Variants in DPYSL2 observed in about 807,000 individuals in gnomAD.
The protein encoded by DPYSL2 is dihydropyrimidinase-related protein 2.
A neutral mutation model predicts 69.9 loss-of-function variants in DPYSL2; 13 were observed. That is an observed-to-expected ratio of 0.19 (90% CI 0.12 to 0.30). DPYSL2 has a LOEUF of 0.30. Among genes scored for constraint, DPYSL2 ranks in the 10% least tolerant of loss-of-function variants. DPYSL2 has a pLI of 1.00. For missense variants in DPYSL2, 587 were observed against 918.9 expected, an observed-to-expected ratio of 0.64 and a Z score of 4.67; for synonymous variants, 326 against 359.1, an observed-to-expected ratio of 0.91 and a Z score of 1.04.
At position 26,597,618 on chromosome 8, in the gene DPYSL2, G is replaced by A. The variant is rs1801891509; in HGVS notation, c.628+13635G>A. Among the ~76,000 whole-genome samples, 1 of 152,016 alleles carries A rather than the reference G, an allele frequency of 6.6e-6. No individual in the cohort carries two copies. Among genetic ancestry groups the A allele is most frequent in the Admixed American group, 6.6e-5 (1 of 15,254 alleles). On this transcript the variant is annotated intron_variant, in intron 3 of 13. Transcript: ENST00000521913. This position sits in a 1 kb window ranked among gnomAD's most constrained non-coding sequence, Gnocchi z 5.2. Reference sequence around the variant, plus strand: ...GCCTCCCAAGTAGCTGGGACTACAGGCGCCCGCCACCACGCCCAACTAATA... The same window carrying A: ...GCCTCCCAAGTAGCTGGGACTACAGACGCCCGCCACCACGCCCAACTAATA...
rs1015366695 is a variant in DPYSL2 at position 26,547,101 on chromosome 8, G to A, written c.354+32422G>A. On this transcript the variant is annotated intron_variant, in intron 1 of 13. Transcript: ENST00000521913. ...CTAGAGGCCAGGAGCGGTGGCTCAT[G>A]CCTGTAATGCCAGCACTTTGGGAGG... 7.2e-5 allele frequency among the ~76,000 whole-genome samples: 11 copies of A among 152,130 alleles called. No individual in the cohort carries two copies. In the South Asian group the frequency reaches 2.3e-3, roughly 32 times the overall value.
Position 26,626,655 on chromosome 8 carries a change from C to A in DPYSL2, c.832C>A (p.Arg278Ser). The part of the protein sequence containing the change: ...SFLVYMAFKD[R>S]FQLTDCQIYE... The stretch of plus-strand genomic sequence containing the variant: ...CCTCGTGTACATGGCTTTCAAAGAT[C>A]GCTTCCAGCTAACGGATTGCCAGGT... Residue 278 changes from arginine to serine, a missense_variant, in exon 5 of 14, where the codon CGC becomes AGC. Coordinates refer to ENST00000521913, the MANE Select transcript of DPYSL2 (RefSeq NM_001197293.3). This position sits in a 1 kb window ranked among gnomAD's most constrained non-coding sequence, Gnocchi z 4.3. 1 of 1,614,182 alleles carries A rather than the reference C, an allele frequency of 6.2e-7. No individual in the cohort carries two copies. The highest frequency in any genetic ancestry group is 8.5e-7 in the Non-Finnish European group (1 of 1,180,042).
rs187162382 is a variant in DPYSL2 at position 26,654,539 on chromosome 8, C to T, written c.1943-1076C>T. On this transcript the variant is annotated intron_variant, in intron 13 of 13. Coordinates refer to ENST00000521913, the MANE Select transcript of DPYSL2 (RefSeq NM_001197293.3). This position sits in a 1 kb window ranked among gnomAD's most constrained non-coding sequence, Gnocchi z 5.0. ...GAACTTTACTTTGTTGTAAGTAAAACGTGTATAATCATGTCTGTGTTTTCT... is the reference window on the plus strand; with the variant it reads ...GAACTTTACTTTGTTGTAAGTAAAATGTGTATAATCATGTCTGTGTTTTCT... 2.6e-5 allele frequency among the ~76,000 whole-genome samples: 4 copies of T among 152,088 alleles called. No homozygotes were observed. Among genetic ancestry groups the T allele is most frequent in the East Asian group, 1.9e-4 (1 of 5,168 alleles).
At chr8:26,522,706 A>G (rs1808408453) in intron 1 of DPYSL2, among the ~76,000 whole-genome samples, 1 of 152,052 alleles carries the variant, frequency 6.6e-6, no homozygotes, top group African/African-American at 2.4e-5. Flanking sequence ...TATTTATCAT[A>G]TTGTTAAATT....
In DPYSL2 at chr8:26,640,783, C is replaced by T. The variant is rs1487408725; in HGVS notation, c.1127-2656C>T. ...GAACCACAGGATGGCTCCATCCCTC[C>T]CCTGGCATCCACTGCCCCTGCCCCT... On this transcript the variant is annotated intron_variant, in intron 8 of 13. Coordinates refer to ENST00000521913, the MANE Select transcript of DPYSL2 (RefSeq NM_001197293.3). The surrounding 1 kb of genome is among the most constrained non-coding windows in gnomAD (Gnocchi z 4.2). 6.6e-6 allele frequency among the ~76,000 whole-genome samples: 1 copy of T among 152,196 alleles called. No individual in the cohort carries two copies. The highest frequency in any genetic ancestry group is 1.5e-5 in the Non-Finnish European group (1 of 68,026).
intron 3 of DPYSL2, among the ~76,000 whole-genome samples, chr8:26,607,482 C>CA (rs543475606): frequency 0.12 from 12,362 of 105,750 alleles, 606 homozygotes; most frequent in Middle Eastern, 0.22. Context: ...GACTCTGTCT[C>CA]AAAAAAAAAA....
rs1190620634 is a variant in DPYSL2 at position 26,518,958 on chromosome 8, C to G, written c.354+4279C>G. On this transcript the variant is annotated intron_variant, in intron 1 of 13. Transcript: ENST00000521913. ...CCCAGGTCTGGGGCCTATAACCTAA[C>G]TAGAAGAAAACTCCTACCAGCTAAC... is the stretch of plus-strand genomic sequence containing the variant. 2.0e-5 allele frequency among the ~76,000 whole-genome samples: 3 copies of G among 152,212 alleles called. No homozygotes were observed. In the East Asian group the frequency reaches 5.8e-4, roughly 29 times the overall value.
rs1450621188 is a variant in DPYSL2, at chr8:26,585,838, A to G, written c.628+1855A>G. On this transcript the variant is annotated intron_variant, in intron 3 of 13. Coordinates refer to ENST00000521913, the MANE Select transcript of DPYSL2 (RefSeq NM_001197293.3). The surrounding 1 kb of genome is among the most constrained non-coding windows in gnomAD (Gnocchi z 4.0). The stretch of plus-strand genomic sequence containing the variant: ...AAAAACAATATTTCTCTGGCTGGGC[A>G]CCATGGTTCATGCCTGTAATTCCAG... Among the ~76,000 whole-genome samples, 3 of 152,216 alleles carry G rather than the reference A, an allele frequency of 2.0e-5. No homozygotes were observed. Among genetic ancestry groups the G allele is most frequent in the Non-Finnish European group, 4.4e-5 (3 of 68,038 alleles).
intron 3 of DPYSL2, among the ~76,000 whole-genome samples, chr8:26,594,727 T>C (rs1187451052): frequency 3.9e-5 from 6 of 152,240 alleles, no homozygotes; most frequent in Admixed American, 3.9e-4. Flanking sequence ...ATCTTTCATA[T>C]ACCAAAGATG....
In DPYSL2 at chr8:26,652,352, G is replaced by A; in HGVS notation, c.1692G>A (p.Leu564=). The change falls in exon 12 of 14, where the codon CTG becomes CTA. Residue 564 remains leucine, a synonymous_variant. Coordinates refer to ENST00000521913, the MANE Select transcript of DPYSL2 (RefSeq NM_001197293.3). The surrounding 1 kb of genome is among the most constrained non-coding windows in gnomAD (Gnocchi z 6.3). ...AGATTGTCCTGGAGGACGGCACCCT[G>A]CATGTCACCGAAGGCTCTGGACGCT... ...QGKIVLEDGT[L]HVTEGSGRYI... 1 of 1,614,236 alleles carries A rather than the reference G, an allele frequency of 6.2e-7. No homozygotes were observed. Among genetic ancestry groups the A allele is most frequent in the Non-Finnish European group, 8.5e-7 (1 of 1,180,036 alleles).
Position 26,620,381 on chromosome 8 carries a change from T to A in DPYSL2, c.629-3762T>A, listed in dbSNP as rs536511994. Among the ~76,000 whole-genome samples the A allele has an allele frequency of 6.6e-6, 1 of 152,190 alleles. No individual in the cohort carries two copies. On this transcript the variant is annotated intron_variant, in intron 3 of 13. Transcript: ENST00000521913. The surrounding 1 kb of genome is among the most constrained non-coding windows in gnomAD (Gnocchi z 4.5). ...AAGTGATTCTCCTGCCTCAGCCTCC[T>A]GAGTAGCTGGGATTACAGGCACCTG...
In DPYSL2 at chr8:26,562,141, T is replaced by C. The variant is rs979680902; in HGVS notation, c.355-19828T>C. 6.6e-6 allele frequency among the ~76,000 whole-genome samples: 1 copy of C among 151,964 alleles called. No homozygotes were observed. Among genetic ancestry groups the C allele is most frequent in the Non-Finnish European group, 1.5e-5 (1 of 67,994 alleles). On this transcript the variant is annotated intron_variant, in intron 1 of 13. Transcript: ENST00000521913. The surrounding 1 kb of genome is among the most constrained non-coding windows in gnomAD (Gnocchi z 4.9). The stretch of plus-strand genomic sequence containing the variant: ...CTTTTATTGGCAGCAGAAACAAGAG[T>C]GGATAAGAGGAAGGACACACACTGG...
chr8:26,581,796 G>T (rs549350635), intron 1 of DPYSL2, among the ~76,000 whole-genome samples, 173 bp from the exon 2 acceptor site: 8 of 152,220 alleles, frequency 5.3e-5, no homozygotes, highest in African/African-American at 1.9e-4. Flanking sequence ...GACTCATCAG[G>T]TGATGAATAG....
At chr8:26,519,128 T>C (rs888007644) in intron 1 of DPYSL2, among the ~76,000 whole-genome samples, 14 of 152,166 alleles carry the variant, frequency 9.2e-5, no homozygotes, top group African/African-American at 3.1e-4. Context: ...CTCTATACCA[T>C]GGAAATCAGG....
intron 1 of DPYSL2, among the ~76,000 whole-genome samples, chr8:26,521,074 T>C (rs906421111): frequency 6.6e-6 from 1 of 152,068 alleles, no homozygotes; most frequent in African/African-American, 2.4e-5. Flanking sequence ...ATAACAATCA[T>C]GAAATACAAG....
At position 26,617,256 on chromosome 8, in the gene DPYSL2, G is replaced by T. The variant is rs879815736; in HGVS notation, c.629-6887G>T. Among the ~76,000 whole-genome samples the T allele has an allele frequency of 6.6e-5, 10 of 152,212 alleles. No individual in the cohort carries two copies. The highest frequency in any genetic ancestry group is 2.0e-4 in the Admixed American group (3 of 15,282). On this transcript the variant is annotated intron_variant, in intron 3 of 13. Transcript: ENST00000521913. This position sits in a 1 kb window ranked among gnomAD's most constrained non-coding sequence, Gnocchi z 4.7. ...TCTGTGTCATTTCTTAAAACTCCAT[G>T]TGAGTCTATAGTGAGTTTTAAAAAG...
chr8:26,570,428 C>T lies in DPYSL2; in HGVS notation c.355-11541C>T, dbSNP rs148900333. Among the ~76,000 whole-genome samples the T allele has an allele frequency of 5.6e-3, 853 of 152,222 alleles. 25 individuals are homozygous for T. The highest frequency in any genetic ancestry group is 0.048 in the Admixed American group (739 of 15,274). Reference sequence around the variant, plus strand: ...AAGGTGGGTCCCAGTTTCTACTAAACAAGTACCTTACCATTAAAAGAACTA... The same window carrying T: ...AAGGTGGGTCCCAGTTTCTACTAAATAAGTACCTTACCATTAAAAGAACTA... On this transcript the variant is annotated intron_variant, in intron 1 of 13. Coordinates refer to ENST00000521913, the MANE Select transcript of DPYSL2 (RefSeq NM_001197293.3).
In DPYSL2 at chr8:26,627,821, C is replaced by A; in HGVS notation, c.937-51C>A. On this transcript the variant is annotated intron_variant, in intron 6 of 13. Transcript: ENST00000521913. This position sits in a 1 kb window ranked among gnomAD's most constrained non-coding sequence, Gnocchi z 6.9. Reference sequence around the variant, plus strand: ...CATGCCCGGGCCTCTGCCATCAGAGCTGTGCAAAATCCACTCTCCCTCACA... The same window carrying A: ...CATGCCCGGGCCTCTGCCATCAGAGATGTGCAAAATCCACTCTCCCTCACA... The A allele has an allele frequency of 6.3e-7, 1 of 1,584,578 alleles. No homozygotes were observed.
intron 1 of DPYSL2, among the ~76,000 whole-genome samples, chr8:26,561,549 A>G (rs1278665536): frequency 6.7e-6 from 1 of 150,140 alleles, no homozygotes; most frequent in Non-Finnish European, 1.5e-5. Flanking sequence ...GCTCCCCCAT[A>G]ATCCCACACC....
Sources: allele counts gnomAD v4.1 joint callset (sites outside exome capture counted in the v4.1 genomes callset), GRCh38; gene constraint gnomAD v4.1.1; non-coding constraint Gnocchi (gnomAD v3.1); transcripts MANE v1.5; gene names NCBI Gene and HGNC (gene_info 2026-07-23, HGNC 2026-07-21).